TESMIN: variants seen among roughly 807,000 people sequenced by gnomAD.
TESMIN encodes the protein testis expressed metallothionein like protein.
TESMIN carries 34 observed loss-of-function variants against 47.4 expected under a neutral mutation model. The ratio of observed to expected loss-of-function variants is 0.72; its 90% confidence interval spans 0.55 to 0.96. The LOEUF (loss-of-function observed/expected upper bound fraction) is 0.96, where lower values mean the gene tolerates loss of function less well. TESMIN is among the 40% of genes least tolerant of loss of function. The probability of loss-of-function intolerance (pLI) is 0.00; values close to 1 mark genes in which losing one functional copy is unlikely to be tolerated. For synonymous variants in TESMIN, 278 were observed against 258.9 expected (o/e 1.07, Z -0.71); for missense variants, 610 against 637.2 (o/e 0.96, Z 0.46).
At chr11:68,741,632 G>A (rs1946457644) in intron 5 of TESMIN, among the ~76,000 whole-genome samples, 1 of 152,228 alleles carries the variant, frequency 6.6e-6, no homozygotes, top group Admixed American at 6.5e-5. Flanking sequence ...ATTGAAGGGT[G>A]AGTGGGTGCC....
At chr11:68,706,469 C>T (rs1397049641), downstream of TESMIN, among the ~76,000 whole-genome samples, 2 of 152,200 alleles carry the variant, frequency 1.3e-5, no homozygotes, top group African/African-American at 2.4e-5. Flanking sequence ...CTGGGCTCCG[C>T]GGGTGGGCCA....
intron 6 of TESMIN, chr11:68,737,868 A>G: frequency 1.1e-6 from 1 of 904,208 alleles, no homozygotes; most frequent in Non-Finnish European, 1.3e-6. Context: ...AGCAGAGATC[A>G]TGCCATTGTA....
chr11:68,707,774 G>A lies in TESMIN; in HGVS notation c.*534C>T, dbSNP rs1417162342. The stretch of plus-strand genomic sequence containing the variant: ...CGCGTGCCTCTGGGGAAATATCTAC[G>A]CTACAGAAAATCTTTAGGTGTTCAG... On this transcript the variant is annotated 3_prime_UTR_variant, in exon 10 of 10. Coordinates refer to ENST00000255087, the MANE Select transcript of TESMIN (RefSeq NM_004923.3). 3 of 454,018 alleles carry A rather than the reference G, an allele frequency of 6.6e-6. No individual in the cohort carries two copies. Among genetic ancestry groups the A allele is most frequent in the South Asian group, 1.6e-5 (1 of 64,454 alleles). 28.1% of individuals were successfully genotyped at this position (454,018 alleles called of 1,614,324 possible). A position where few individuals can be genotyped will look rare whatever the true frequency, so the allele number is the denominator to read the frequency against.
intron 6 of TESMIN, among the ~76,000 whole-genome samples, chr11:68,729,927 A>G (rs1466852409): frequency 6.6e-6 from 1 of 152,228 alleles, no homozygotes; most frequent in Non-Finnish European, 1.5e-5. Context: ...CTTTCCTGAA[A>G]GGAAGAGTCA....
At chr11:68,724,162 G>C (rs1435625780) in intron 6 of TESMIN, among the ~76,000 whole-genome samples, 2 of 152,174 alleles carry the variant, frequency 1.3e-5, no homozygotes, top group Non-Finnish European at 2.9e-5. Flanking sequence ...AAATCTTACA[G>C]TACATAATAA....
chr11:68,714,494 A>G (rs78141121), intron 7 of TESMIN, among the ~76,000 whole-genome samples: 3,955 of 152,294 alleles, frequency 0.026, 71 homozygotes, highest in Middle Eastern at 0.065. Flanking sequence ...TCAGACATAG[A>G]GGGCTTTAGG....
At chr11:68,737,415 G>A (rs544236674) in intron 6 of TESMIN, 99 of 985,548 alleles carry the variant, frequency 1.0e-4, no homozygotes, top group Middle Eastern at 5.2e-4. Context: ...AGCGTTGATC[G>A]GTTCCAGTGT....
chr11:68,728,944 C>T (rs1401848556), intron 6 of TESMIN, among the ~76,000 whole-genome samples: 1 of 152,174 alleles, frequency 6.6e-6, no homozygotes, highest in Admixed American at 6.6e-5. Flanking sequence ...CCTGGCCCCC[C>T]AAGAGCTCTG....
chr11:68,708,232 T>C lies in TESMIN; in HGVS notation c.*76A>G. 1.4e-6 allele frequency: 2 copies of C among 1,406,044 alleles called. No homozygotes were observed. Among genetic ancestry groups the C allele is most frequent in the East Asian group, 2.3e-5 (1 of 43,118 alleles). 87.1% of individuals were successfully genotyped at this position (1,406,044 alleles called of 1,614,324 possible). A position where few individuals can be genotyped will look rare whatever the true frequency, so the allele number is the denominator to read the frequency against. On this transcript the variant is annotated 3_prime_UTR_variant, in exon 10 of 10. Transcript: ENST00000255087. Reference sequence around the variant, plus strand: ...GGTTGTTGCTGCAGAGCCAGCCTCATGTTCCCCTAAACATCCTTTCTAAAC... The same window carrying C: ...GGTTGTTGCTGCAGAGCCAGCCTCACGTTCCCCTAAACATCCTTTCTAAAC...
intron 6 of TESMIN, chr11:68,738,187 A>AT: frequency 1.0e-6 from 1 of 986,578 alleles, no homozygotes; most frequent in Non-Finnish European, 1.2e-6. Flanking sequence ...GAGGTCCCAG[A>AT]TAAGTGCAGC....
chr11:68,709,947 A>T (rs1283559512), intron 9 of TESMIN, among the ~76,000 whole-genome samples: 1 of 152,224 alleles, frequency 6.6e-6, no homozygotes, highest in East Asian at 1.9e-4. Flanking sequence ...AGGTGGATGA[A>T]TCACAGTTCA....
chr11:68,737,640 G>A, intron 6 of TESMIN: 1 of 985,778 alleles, frequency 1.0e-6, no homozygotes, highest in Non-Finnish European at 1.2e-6. Context: ...CCTGCAGGCA[G>A]GCCGGGCACG....
At chr11:68,747,054 C>A in intron 3 of TESMIN, 154 bp downstream of exon 3, 1 of 724,134 alleles carries the variant, frequency 1.4e-6, no homozygotes, top group Non-Finnish European at 2.3e-6. Context: ...ATGTGAAAGG[C>A]TCATGTCCCT....
rs1160811518 is a variant in TESMIN at position 68,738,681 on chromosome 11, T to G, written c.917+19A>C. 1.2e-6 allele frequency: 2 copies of G among 1,613,460 alleles called. No homozygotes were observed. The highest frequency in any genetic ancestry group is 1.7e-6 in the Non-Finnish European group (2 of 1,179,676). Reference sequence around the variant, plus strand: ...AAATTATTACATTAGAGTGACAATGTATTGCTTCTAATCCTTACCCAGCCA... The same window carrying G: ...AAATTATTACATTAGAGTGACAATGGATTGCTTCTAATCCTTACCCAGCCA... On this transcript the variant is annotated intron_variant, in intron 6 of 9. Coordinates refer to ENST00000255087, the MANE Select transcript of TESMIN (RefSeq NM_004923.3).
In TESMIN at chr11:68,750,189, C is replaced by T; in HGVS notation, c.471+1G>A. 6.8e-7 allele frequency: 1 copy of T among 1,477,444 alleles called. No homozygotes were observed. Among genetic ancestry groups the T allele is most frequent in the Non-Finnish European group, 8.9e-7 (1 of 1,124,968 alleles). The allele number at this position is 1,477,444 out of a possible 1,614,324, so 91.5% of individuals were successfully genotyped here. On this transcript the variant is annotated splice_donor_variant, in intron 2 of 9. Transcript: ENST00000255087. LOFTEE classifies it high-confidence loss of function. ...GTGCCCATTCCCCAGGCGGTTCTTACTGGGATCATGCGGACGCCCGGGTGG... is the reference window on the plus strand; with the variant it reads ...GTGCCCATTCCCCAGGCGGTTCTTATTGGGATCATGCGGACGCCCGGGTGG...
intron 9 of TESMIN, chr11:68,710,361 A>G (rs1946049029): frequency 6.5e-6 from 1 of 152,866 alleles, no homozygotes; most frequent in South Asian, 2.1e-4. Flanking sequence ...AACTTTGAGA[A>G]CTACTAGGAT....
At chr11:68,745,300 CAAAAAAAAAAA>C (rs71993839) in intron 3 of TESMIN, among the ~76,000 whole-genome samples, 189 bp from the exon 4 acceptor site, 1 of 72,484 alleles carries the variant, frequency 1.4e-5, no homozygotes, top group Non-Finnish European at 2.9e-5. Flanking sequence ...CACCAAAGGG[CAAAAAAAAAAA>C]AAAAAAAAAG....
At chr11:68,723,701 C>T (rs1166230431) in intron 6 of TESMIN, among the ~76,000 whole-genome samples, 2 of 151,684 alleles carry the variant, frequency 1.3e-5, no homozygotes, top group Non-Finnish European at 2.9e-5. Flanking sequence ...GGTCAAAGGC[C>T]ATAATTATAG....
At chr11:68,722,164 G>C (rs1946210798) in intron 6 of TESMIN, among the ~76,000 whole-genome samples, 1 of 152,198 alleles carries the variant, frequency 6.6e-6, no homozygotes, top group Non-Finnish European at 1.5e-5. Context: ...AGTGAACTAA[G>C]CCAGATACAA....
Sources: gnomAD v4.1 joint callset for allele counts (sites outside exome capture counted in the v4.1 genomes callset) on GRCh38, gnomAD v4.1.1 for gene constraint, MANE v1.5 for transcripts, NCBI Gene and HGNC (gene_info 2026-07-23, HGNC 2026-07-21) for gene names.